SLC16A12: variants seen among roughly 807,000 people sequenced by gnomAD.
SLC16A12 encodes monocarboxylate transporter 12.
SLC16A12 carries 17 observed loss-of-function variants against 42.4 expected under a neutral mutation model. The ratio of observed to expected loss-of-function variants is 0.40; its 90% CI spans 0.27 to 0.60. The LOEUF (loss-of-function observed/expected upper bound fraction) is 0.60, where lower values mean the gene tolerates loss of function less well. SLC16A12 is among the 20% of genes least tolerant of loss of function. The pLI is 0.42. For synonymous variants in SLC16A12, 224 were observed against 229.4 expected (o/e 0.98, Z 0.21); for missense variants, 544 against 623.0 (o/e 0.87, Z 1.35).
intron 2 of SLC16A12, among the ~76,000 whole-genome samples, chr10:89,504,986 C>G (rs1422431728): frequency 6.6e-6 from 1 of 152,124 alleles, no homozygotes; most frequent in Non-Finnish European, 1.5e-5. Context: ...GCTGAGCAGA[C>G]AGAGCAAATG....
chr10:89,443,766 G>A lies in SLC16A12; in HGVS notation c.294C>T (p.Thr98=). The change falls in exon 4 of 8, where the codon ACC becomes ACT. Residue 98 remains threonine (T), a synonymous_variant. Transcript: ENST00000371790. ...AWIHSIVDCV[T]MLCAPLGSVV... is the part of the protein sequence containing the mutation. The stretch of plus-strand genomic sequence containing the variant: ...GTAAGTAATACTCACCACAGAGCAT[G>A]GTCACACAATCTACAATGGAATGGA... 6.2e-7 allele frequency: 1 copy of A among 1,611,698 alleles called. No individual in the cohort carries two copies. The highest frequency in any genetic ancestry group is 8.5e-7 in the Non-Finnish European group (1 of 1,177,842).
chr10:89,532,512 A>G (rs915836130), intron 2 of SLC16A12, among the ~76,000 whole-genome samples: 5 of 152,222 alleles, frequency 3.3e-5, no homozygotes, highest in African/African-American at 1.2e-4. Flanking sequence ...CATCAATTAA[A>G]TTATTATATC....
At position 89,441,192 on chromosome 10, in the gene SLC16A12, C is replaced by T. The variant is rs758180736; in HGVS notation, c.364G>A (p.Gly122Ser). 14 of 1,613,870 alleles carry T rather than the reference C, an allele frequency of 8.7e-6. No individual in the cohort carries two copies. Among genetic ancestry groups the T allele is most frequent in the Admixed American group, 1.7e-5 (1 of 59,992 alleles). Residue 122 changes from glycine to serine, a missense_variant, in exon 5 of 8, where the codon GGC becomes AGC. Transcript: ENST00000371790. ...LSCQVGIMLG[G>S]LLASTGLILS... ...ATGAGTCCAGTAGATGCAAGCAAGC[C>T]ACCCAGCATGATTCCCACTTGACAG...
intron 2 of SLC16A12, among the ~76,000 whole-genome samples, chr10:89,478,418 G>A (rs1466685244): frequency 1.3e-5 from 2 of 152,168 alleles, no homozygotes; most frequent in East Asian, 3.8e-4. Context: ...ACCTGCAGGG[G>A]GAAACAAAAA....
chr10:89,519,318 C>A (rs1181938918), intron 2 of SLC16A12, among the ~76,000 whole-genome samples: 1 of 152,032 alleles, frequency 6.6e-6, no homozygotes, highest in South Asian at 2.1e-4. Flanking sequence ...CCCACCAACA[C>A]ACAATTTACC....
In SLC16A12 at chr10:89,533,524, A is replaced by C. The variant is rs952944774; in HGVS notation, c.-47+977T>G. Among the ~76,000 whole-genome samples, 12 of 152,284 alleles carry C rather than the reference A, an allele frequency of 7.9e-5. No individual in the cohort carries two copies. The South Asian group carries it at 2.1e-3, about 26-fold the overall frequency. Reference sequence around the variant, plus strand: ...CTTTGTTTTGGTCATAGTATTAATCACAATAAACAAACAGTCCTCATATAA... The same window carrying C: ...CTTTGTTTTGGTCATAGTATTAATCCCAATAAACAAACAGTCCTCATATAA... On this transcript the variant is annotated intron_variant, in intron 2 of 7. Transcript: ENST00000371790.
At chr10:89,551,302 G>A (rs1339452808) in intron 2 of SLC16A12, among the ~76,000 whole-genome samples, 2 of 152,090 alleles carry the variant, frequency 1.3e-5, no homozygotes, top group African/African-American at 4.8e-5. Flanking sequence ...AATTAGCTAG[G>A]TAGGATGGTG....
At chr10:89,526,398 A>C (rs1172710488) in intron 2 of SLC16A12, among the ~76,000 whole-genome samples, 2 of 152,210 alleles carry the variant, frequency 1.3e-5, no homozygotes, top group Admixed American at 6.5e-5. Context: ...GATAACTCCC[A>C]AGCTATAGTT....
chr10:89,493,616 C>G (rs1842880134), intron 2 of SLC16A12, among the ~76,000 whole-genome samples: 1 of 152,168 alleles, frequency 6.6e-6, no homozygotes, highest in South Asian at 2.1e-4. Flanking sequence ...TGTCCAAGAT[C>G]ACATAGAAAT....
At chr10:89,444,056 G>A (rs537470935) in intron 3 of SLC16A12, among the ~76,000 whole-genome samples, 197 bp from the exon 4 acceptor site, 1 of 152,246 alleles carries the variant, frequency 6.6e-6, no homozygotes, top group East Asian at 1.9e-4. Context: ...ACCACCACAG[G>A]GGCTACTAAA....
At chr10:89,484,427 T>C (rs1344690819) in intron 2 of SLC16A12, among the ~76,000 whole-genome samples, 4 of 152,232 alleles carry the variant, frequency 2.6e-5, no homozygotes, top group African/African-American at 9.6e-5. Flanking sequence ...TAAGGATTTC[T>C]GAAAAGAGTT....
rs765217618 is a variant in SLC16A12 at position 89,436,257 on chromosome 10, T to C, written c.1091A>G (p.Tyr364Cys). 42 of 1,614,016 alleles carry C rather than the reference T, an allele frequency of 2.6e-5. No homozygotes were observed. Among genetic ancestry groups the C allele is most frequent in the Admixed American group, 1.3e-4 (8 of 59,980 alleles). The change falls in exon 7 of 8, where the codon TAT becomes TGT. Residue 364 changes from tyrosine (Y) to cysteine (C), a missense_variant. Physicochemically the swap from Tyr to Cys is radical, Grantham distance 194. Transcript: ENST00000371790. ...LFAVGMDGLC[Y>C]LCLPMLQSLP... ...ACTTTGAAGCATTGGGAGGCAGAGA[T>C]AGCAGAGCCCATCCATTCCCACGGC...
chr10:89,487,996 A>ATATACG (rs1554829912), intron 2 of SLC16A12, among the ~76,000 whole-genome samples: 1 of 85,340 alleles, frequency 1.2e-5, no homozygotes, highest in African/African-American at 4.4e-5. Context: ...ATATATATAT[A>ATATACG]CACACACACA....
intron 2 of SLC16A12, among the ~76,000 whole-genome samples, chr10:89,488,303 G>T (rs72816726): frequency 0.071 from 10,816 of 151,988 alleles, 521 homozygotes; most frequent in East Asian, 0.21. Flanking sequence ...ACTTTTTAAA[G>T]AATGAATAGC....
chr10:89,518,282 C>A (rs1414514729), intron 2 of SLC16A12, among the ~76,000 whole-genome samples: 2 of 152,188 alleles, frequency 1.3e-5, no homozygotes, highest in African/African-American at 4.8e-5. Flanking sequence ...GCCAGGGGCA[C>A]TCTGGCTTCT....
chr10:89,441,286 G>A (rs1589661750), intron 4 of SLC16A12, 35 bp from the exon 5 acceptor site: 5 of 1,613,008 alleles, frequency 3.1e-6, no homozygotes, highest in Middle Eastern at 1.7e-4. Flanking sequence ...TCAACAGAAA[G>A]GCCTTGAGGG....
At chr10:89,487,964 G>GTATA (rs147234370) in intron 2 of SLC16A12, among the ~76,000 whole-genome samples, 3,869 of 126,330 alleles carry the variant, frequency 0.031, 78 homozygotes, top group Non-Finnish European at 0.045. Context: ...TGGTGTGTGT[G>GTATA]TATATATATA....
chr10:89,544,698 C>T (rs1360388145), intron 2 of SLC16A12, among the ~76,000 whole-genome samples: 5 of 151,940 alleles, frequency 3.3e-5, no homozygotes, highest in African/African-American at 7.3e-5. Flanking sequence ...TATTTCATTC[C>T]GTTCTCATAA....
At chr10:89,466,136 A>C (rs558663381) in intron 2 of SLC16A12, among the ~76,000 whole-genome samples, 1 of 152,318 alleles carries the variant, frequency 6.6e-6, no homozygotes, top group East Asian at 1.9e-4. Context: ...TGATCCATAA[A>C]ATGGAGGTAA....
Sources: allele counts gnomAD v4.1 joint callset (sites outside exome capture counted in the v4.1 genomes callset), GRCh38; gene constraint gnomAD v4.1.1; transcripts MANE v1.5; gene names NCBI Gene and HGNC (gene_info 2026-07-23, HGNC 2026-07-21).